TTLL5: variants seen among roughly 807,000 people sequenced by gnomAD.
The protein encoded by TTLL5 is tubulin polyglutamylase TTLL5.
TTLL5 carries 132 observed loss-of-function variants against 168.4 expected under a neutral mutation model. That is an observed-to-expected ratio of 0.78 (90% CI 0.68 to 0.91). The LOEUF (loss-of-function observed/expected upper bound fraction) is 0.91. Ranked by LOEUF, TTLL5 falls within the 40% of genes least tolerant of loss-of-function variation. The pLI, the probability that TTLL5 is intolerant of heterozygous loss-of-function variation, is 0.00. For missense variants in TTLL5, 1,545 were observed against 1,581.5 expected (o/e 0.98, Z 0.39); for synonymous variants, 546 against 558.6 (o/e 0.98, Z 0.32).
At chr14:75,749,075 A>G (rs10142151) in intron 17 of TTLL5, among the ~76,000 whole-genome samples, 1,949 of 152,312 alleles carry the variant, frequency 0.013, 33 homozygotes, top group African/African-American at 0.032. Context: ...TCATGTAGTT[A>G]TACCTTATGA....
chr14:75,773,965 G>GAGAA (rs1891549080), intron 21 of TTLL5, among the ~76,000 whole-genome samples: 1 of 49,204 alleles, frequency 2.0e-5, no homozygotes, highest in African/African-American at 5.9e-5. Flanking sequence ...GAAAGAGAGA[G>GAGAA]AGAGAGAGAG....
intron 12 of TTLL5, among the ~76,000 whole-genome samples, chr14:75,724,627 T>C (rs985036781): frequency 2.0e-5 from 3 of 152,170 alleles, no homozygotes; most frequent in African/African-American, 7.2e-5. Context: ...GTGAGTGAAA[T>C]AACTCAGGTC....
chr14:75,814,447 A>G (rs999912956), intron 27 of TTLL5: 10 of 152,228 alleles, frequency 6.6e-5, no homozygotes, highest in African/African-American at 2.4e-4. Flanking sequence ...GGTAACGTCT[A>G]TAATCATCAT....
chr14:75,771,976 A>G (rs1297681820), intron 21 of TTLL5, 122 bp downstream of exon 21: 10 of 1,151,104 alleles, frequency 8.7e-6, no homozygotes, highest in Non-Finnish European at 1.2e-5. Context: ...TTATTATGTA[A>G]GAAGGTTTTT....
intron 29 of TTLL5, among the ~76,000 whole-genome samples, chr14:75,872,535 TGAG>T (rs2031120581): frequency 6.6e-6 from 1 of 152,098 alleles, no homozygotes; most frequent in South Asian, 2.1e-4. Flanking sequence ...ATGGTGATGA[TGAG>T]GAGACACAGG....
intron 29 of TTLL5, 72 bp downstream of exon 29, chr14:75,863,934 A>AAAAAAAAAAAAAAAAT (rs869255321): frequency 7.9e-7 from 1 of 1,266,296 alleles, no homozygotes. Flanking sequence ...AAAAAAAAAA[A>AAAAAAAAAAAAAAAAT]GGTCAGTGAA....
Position 75,875,237 on chromosome 14 carries a change from T to C in TTLL5, c.3523-7448T>C, listed in dbSNP as rs1358682657. The stretch of plus-strand genomic sequence containing the variant: ...CGTGAGCCACTGCGCGCGGCCTATA[T>C]TTTTTAACTCAAAAATCTATTGTGG... On this transcript the variant is annotated intron_variant, in intron 29 of 31. Coordinates refer to ENST00000298832, the MANE Select transcript of TTLL5 (RefSeq NM_015072.5). 2.0e-5 allele frequency among the ~76,000 whole-genome samples: 3 copies of C among 149,446 alleles called. No individual in the cohort carries two copies. The East Asian group carries it at 6.2e-4, about 31-fold the overall frequency.
At chr14:75,863,623 A>G in intron 28 of TTLL5, 44 bp from the exon 29 acceptor site, 1 of 1,535,946 alleles carries the variant, frequency 6.5e-7, no homozygotes, top group Non-Finnish European at 8.8e-7. Context: ...TAGATTGTTC[A>G]TACAGCCACT....
chr14:75,925,238 C>A (rs2033994240), intron 31 of TTLL5, among the ~76,000 whole-genome samples: 1 of 149,354 alleles, frequency 6.7e-6, no homozygotes, highest in Non-Finnish European at 1.5e-5. Context: ...CGGGGGCTGA[C>A]CCCCACCTCC....
chr14:75,705,804 T>A lies in TTLL5; in HGVS notation c.586-1214T>A, dbSNP rs186113813. ...TACCACTTCCCTTTTGGAGCCCTTT[T>A]GTCCTACATGGATTGTGGTGACTTC... On this transcript the variant is annotated intron_variant, in intron 7 of 31. Coordinates refer to ENST00000298832, the MANE Select transcript of TTLL5 (RefSeq NM_015072.5). Among the ~76,000 whole-genome samples the A allele has an allele frequency of 1.8e-4, 28 of 152,326 alleles. 1 individual carries two copies. In the East Asian group the frequency reaches 4.1e-3, roughly 22 times the overall value.
chr14:75,708,138 A>G (rs1051294084), intron 9 of TTLL5, among the ~76,000 whole-genome samples: 3 of 152,166 alleles, frequency 2.0e-5, no homozygotes, highest in African/African-American at 7.2e-5. Flanking sequence ...CCTCGCAACA[A>G]CCTTTTAGTT....
intron 29 of TTLL5, among the ~76,000 whole-genome samples, chr14:75,880,285 T>C (rs2031736600): frequency 6.6e-6 from 1 of 152,228 alleles, no homozygotes; most frequent in Non-Finnish European, 1.5e-5. Flanking sequence ...TGTATTTACA[T>C]GTTTCAGATT....
intron 1 of TTLL5, among the ~76,000 whole-genome samples, chr14:75,662,051 T>C (rs568856476): frequency 5.1e-4 from 77 of 152,268 alleles, no homozygotes; most frequent in South Asian, 1.0e-3. Context: ...TTTTTTACTT[T>C]AGAAAAAATA....
intron 28 of TTLL5, among the ~76,000 whole-genome samples, chr14:75,847,392 T>G (rs1168053026): frequency 6.6e-6 from 1 of 152,030 alleles, no homozygotes; most frequent in Non-Finnish European, 1.5e-5. Context: ...ATATGGACTT[T>G]CTCTTGGTTT....
intron 30 of TTLL5, 129 bp from the exon 31 acceptor site, chr14:75,902,013 C>G (rs1012442210): frequency 5.4e-6 from 4 of 744,828 alleles, no homozygotes; most frequent in African/African-American, 3.5e-5. Flanking sequence ...TTGAACAAAG[C>G]CTTGAAGGAA....
chr14:75,816,353 G>A (rs1319080024), intron 27 of TTLL5, among the ~76,000 whole-genome samples: 2 of 152,198 alleles, frequency 1.3e-5, no homozygotes, highest in African/African-American at 4.8e-5. Flanking sequence ...TCAGGAGGTA[G>A]ATGTTGCAGT....
intron 11 of TTLL5, 128 bp downstream of exon 11, chr14:75,719,954 CT>C: frequency 2.0e-6 from 2 of 980,572 alleles, no homozygotes; most frequent in Non-Finnish European, 3.1e-6. Context: ...CTTGGTGTTA[CT>C]TTTTCCTGCA....
At chr14:75,929,481 T>A (rs967061109) in intron 31 of TTLL5, among the ~76,000 whole-genome samples, 2 of 129,088 alleles carry the variant, frequency 1.5e-5, no homozygotes, top group Admixed American at 1.0e-4. Context: ...GGATGGAGTC[T>A]CGCTCTGTCG....
rs143852336 is a variant in TTLL5, at chr14:75,728,487, G to A, written c.1043-3851G>A. On this transcript the variant is annotated intron_variant, in intron 12 of 31. Transcript: ENST00000298832. Reference sequence around the variant, plus strand: ...GAGTGTTTCTAGTTTGGAGCCTGGTGGATGGGGTTACCATTCTCCAAGATG... The same window carrying A: ...GAGTGTTTCTAGTTTGGAGCCTGGTAGATGGGGTTACCATTCTCCAAGATG... 1.7e-3 allele frequency among the ~76,000 whole-genome samples: 264 copies of A among 152,234 alleles called. 6 individuals are homozygous for A. The highest frequency in any genetic ancestry group is 5.9e-3 in the African/African-American group (246 of 41,566).
Sources: gnomAD v4.1 joint callset for allele counts (sites outside exome capture counted in the v4.1 genomes callset) on GRCh38, gnomAD v4.1.1 for gene constraint, MANE v1.5 for transcripts, NCBI Gene and HGNC (gene_info 2026-07-23, HGNC 2026-07-21) for gene names.